Variants in METTL15 observed in about 807,000 individuals in gnomAD.
The protein encoded by METTL15 is 12S rRNA N(4)-cytidine methyltransferase METTL15.
METTL15 carries 34 observed loss-of-function variants against 38.3 expected under a neutral mutation model. The observed-to-expected ratio is 0.89, with a 90% CI of 0.68 to 1.18. METTL15 has a LOEUF of 1.18. Among genes scored for constraint, METTL15 ranks in the 50% most tolerant of loss-of-function variants. The pLI, the probability that METTL15 is intolerant of heterozygous loss-of-function variation, is 0.00. For missense variants in METTL15, 438 were observed against 498.4 expected, an observed-to-expected ratio of 0.88 and a Z score of 1.15; for synonymous variants, 162 against 170.9, an observed-to-expected ratio of 0.95 and a Z score of 0.41.
chr11:28,461,587 C>T (rs1214497319), intron 6 of METTL15, among the ~76,000 whole-genome samples: 7 of 151,310 alleles, frequency 4.6e-5, no homozygotes, highest in Non-Finnish European at 5.9e-5. Context: ...TGGAAGGAAA[C>T]GAAAATGACA....
chr11:28,197,387 TGA>T, intron 3 of METTL15: 1 of 267,476 alleles, frequency 3.7e-6, no homozygotes, highest in Admixed American at 4.3e-5. Context: ...ATTATTTTTT[TGA>T]TTAAAATCCG....
chr11:28,183,619 T>C (rs1234412893), intron 3 of METTL15, among the ~76,000 whole-genome samples: 1 of 152,068 alleles, frequency 6.6e-6, no homozygotes, highest in Admixed American at 6.6e-5. Flanking sequence ...GACTTGATCG[T>C]GGTGGATAAG....
At chr11:28,397,962 A>G (rs934459808) in intron 5 of METTL15, among the ~76,000 whole-genome samples, 6 of 152,134 alleles carry the variant, frequency 3.9e-5, no homozygotes, top group Non-Finnish European at 8.8e-5. Flanking sequence ...ACTTGAAACC[A>G]TCATTCTCAG....
intron 5 of METTL15, among the ~76,000 whole-genome samples, chr11:28,418,751 G>C (rs1427017046): frequency 6.6e-6 from 1 of 152,166 alleles, no homozygotes; most frequent in Non-Finnish European, 1.5e-5. Context: ...ATGGTTCAGA[G>C]AGATAATCTG....
intron 4 of METTL15, among the ~76,000 whole-genome samples, chr11:28,247,726 A>G (rs1294073235): frequency 6.6e-6 from 1 of 152,140 alleles, no homozygotes; most frequent in Non-Finnish European, 1.5e-5. Context: ...TCTTTGTCCC[A>G]TAATCAACTT....
intron 3 of METTL15, among the ~76,000 whole-genome samples, chr11:28,138,325 T>C (rs1017805911): frequency 6.6e-6 from 1 of 152,310 alleles, no homozygotes; most frequent in East Asian, 1.9e-4. Flanking sequence ...CTTTTAAATA[T>C]ACCTCTAGCT....
At position 28,221,989 on chromosome 11, in the gene METTL15, A is replaced by C. The variant is rs1014825376; in HGVS notation, c.407+10791A>C. On this transcript the variant is annotated intron_variant, in intron 4 of 6. Transcript: ENST00000407364. The stretch of plus-strand genomic sequence containing the variant: ...CTGGGGGATGCCTTCCAGTTAGGCT[A>C]CTGAGGGGTCAGGGACCCACTTGAG... Among the ~76,000 whole-genome samples, 4 of 152,222 alleles carry C rather than the reference A, an allele frequency of 2.6e-5. No homozygotes were observed. In the South Asian group the frequency reaches 6.2e-4, roughly 24 times the overall value.
In METTL15 at chr11:28,210,983, G is replaced by A. The variant is rs1852611053; in HGVS notation, c.271-79G>A. On this transcript the variant is annotated intron_variant, in intron 3 of 6. Coordinates refer to ENST00000407364, the MANE Select transcript of METTL15 (RefSeq NM_001113528.2). ...CTGTCAAGTCTGAAAATCATTGTGT[G>A]CTTCTAGAAATTGAGATAGTTGTCA... is the stretch of plus-strand genomic sequence containing the variant. The A allele has an allele frequency of 3.6e-6, 5 of 1,392,540 alleles. No homozygotes were observed. The South Asian group carries it at 5.6e-5, about 16-fold the overall frequency. 86.3% of individuals were successfully genotyped at this position (1,392,540 alleles called of 1,614,324 possible). A position where few individuals can be genotyped will look rare whatever the true frequency, so the allele number is the denominator to read the frequency against.
At chr11:28,490,016 G>A (rs1851481322) in intron 6 of METTL15, among the ~76,000 whole-genome samples, 1 of 152,014 alleles carries the variant, frequency 6.6e-6, no homozygotes, top group Non-Finnish European at 1.5e-5. Flanking sequence ...TGGTGCTAGT[G>A]GTAGGGGTAG....
At chr11:28,202,629 T>C (rs1368331968) in intron 3 of METTL15, among the ~76,000 whole-genome samples, 1 of 152,104 alleles carries the variant, frequency 6.6e-6, no homozygotes, top group East Asian at 1.9e-4. Context: ...ATCTATATAG[T>C]TCAGCATGTG....
intron 3 of METTL15, chr11:28,123,968 G>A (rs899963201): frequency 9.9e-6 from 10 of 1,006,202 alleles, no homozygotes; most frequent in African/African-American, 3.4e-5. Context: ...ACAACATAGA[G>A]TTGTATAAGA....
intron 4 of METTL15, among the ~76,000 whole-genome samples, chr11:28,242,434 C>A (rs1478359451): frequency 1.3e-5 from 2 of 152,078 alleles, no homozygotes; most frequent in Admixed American, 6.6e-5. Flanking sequence ...AACTAAAGGG[C>A]AAATTCTAAA....
chr11:28,514,224 C>T (rs1160032525), intron 6 of METTL15, among the ~76,000 whole-genome samples: 1 of 152,170 alleles, frequency 6.6e-6, no homozygotes, highest in Non-Finnish European at 1.5e-5. Flanking sequence ...AACCATAGGT[C>T]TAAGCCAATC....
downstream of METTL15, among the ~76,000 whole-genome samples, chr11:28,335,571 C>A (rs1290986663): frequency 6.6e-6 from 1 of 152,160 alleles, no homozygotes; most frequent in Non-Finnish European, 1.5e-5. Flanking sequence ...AATTTAACCT[C>A]CAATGTTAGA....
At chr11:28,304,477 G>A (rs1857013698) in intron 6 of METTL15, among the ~76,000 whole-genome samples, 1 of 152,042 alleles carries the variant, frequency 6.6e-6, no homozygotes, top group African/African-American at 2.4e-5. Context: ...AAGCACTTTG[G>A]GAGGCCAAAG....
chr11:28,424,177 T>A (rs1462574933), intron 5 of METTL15: 1 of 152,112 alleles, frequency 6.6e-6, no homozygotes. Context: ...GACTGAAAAA[T>A]TTTCTTAAAC....
chr11:28,153,455 T>A (rs1045948465), intron 3 of METTL15, among the ~76,000 whole-genome samples: 5 of 152,096 alleles, frequency 3.3e-5, no homozygotes, highest in African/African-American at 1.2e-4. Flanking sequence ...CCTTGGTTAG[T>A]TGAATCCATG....
At chr11:28,214,659 G>T (rs886956186) in intron 4 of METTL15, among the ~76,000 whole-genome samples, 1 of 152,094 alleles carries the variant, frequency 6.6e-6, no homozygotes, top group Non-Finnish European at 1.5e-5. Flanking sequence ...AAAATGTGAA[G>T]TACTGTAACT....
chr11:28,392,512 T>C (rs1283411390), intron 5 of METTL15, among the ~76,000 whole-genome samples: 2 of 152,038 alleles, frequency 1.3e-5, no homozygotes, highest in Non-Finnish European at 2.9e-5. Flanking sequence ...ACAAATGATA[T>C]AGGAAACAGA....
Sources: gnomAD v4.1 joint callset for allele counts (sites outside exome capture counted in the v4.1 genomes callset) on GRCh38, gnomAD v4.1.1 for gene constraint, MANE v1.5 for transcripts, NCBI Gene and HGNC (gene_info 2026-07-23, HGNC 2026-07-21) for gene names.